IFT140: variants seen among roughly 807,000 people sequenced by gnomAD.
IFT140 encodes intraflagellar transport 140.
A neutral mutation model predicts 164.6 loss-of-function variants in IFT140; 133 were observed. The ratio of observed to expected loss-of-function variants is 0.81; its 90% CI spans 0.70 to 0.93. The LOEUF is 0.93. IFT140 is among the 40% of genes least tolerant of loss of function. IFT140 has a pLI of 0.00. For missense variants in IFT140, 2,045 were observed against 1,972.3 expected, an observed-to-expected ratio of 1.04 and a Z score of -0.70; for synonymous variants, 860 against 817.3, an observed-to-expected ratio of 1.05 and a Z score of -0.89.
chr16:1,520,542 G>T, intron 27 of IFT140, 60 bp downstream of exon 27: 1 of 1,490,434 alleles, frequency 6.7e-7, no homozygotes. Flanking sequence ...GATGCGTGCA[G>T]GGGGCCCGCA....
chr16:1,521,685 C>A (rs1201496406), intron 26 of IFT140, among the ~76,000 whole-genome samples: 3 of 151,766 alleles, frequency 2.0e-5, no homozygotes, highest in African/African-American at 7.3e-5. Flanking sequence ...AGCCACCACA[C>A]CCAGCCCTCA....
intron 13 of IFT140, among the ~76,000 whole-genome samples, chr16:1,575,751 C>T (rs1361313217): frequency 1.3e-5 from 2 of 150,834 alleles, no homozygotes; most frequent in Non-Finnish European, 3.0e-5. Context: ...GCAGGCCATT[C>T]ACCCTTTCCC....
intron 7 of IFT140, among the ~76,000 whole-genome samples, chr16:1,588,572 G>C (rs1270436721): frequency 9.4e-6 from 1 of 106,694 alleles, no homozygotes; most frequent in Non-Finnish European, 1.8e-5. Context: ...ACTGAGCACA[G>C]GGTGTGGGCA....
At chr16:1,513,078 ACTAT>A (rs1396742878) in intron 30 of IFT140, 1 of 152,202 alleles carries the variant, frequency 6.6e-6, no homozygotes, top group Non-Finnish European at 1.5e-5. Flanking sequence ...AGTCCCGGGA[ACTAT>A]CTAATAGGGC....
chr16:1,590,604 G>A lies in IFT140; in HGVS notation c.635-824C>T, dbSNP rs117493027. ...GAATCCCCCTCTTCCTGCCCTGCCT[G>A]AGCCTGCTCCGGTGCTGGCCAGCCA... is the stretch of plus-strand genomic sequence containing the variant. On this transcript the variant is annotated intron_variant, in intron 6 of 30. Transcript: ENST00000426508. 6.2e-3 allele frequency among the ~76,000 whole-genome samples: 943 copies of A among 152,236 alleles called. 4 individuals carry two copies. The highest frequency in any genetic ancestry group is 0.011 in the Non-Finnish European group (778 of 68,010).
intron 6 of IFT140, among the ~76,000 whole-genome samples, chr16:1,591,009 G>A (rs1039802263): frequency 1.3e-5 from 2 of 152,186 alleles, no homozygotes; most frequent in Admixed American, 6.5e-5. Flanking sequence ...TGCACAGTAC[G>A]TGGCAGGCTC....
intron 10 of IFT140, 134 bp downstream of exon 10, chr16:1,585,996 C>A: frequency 9.9e-7 from 1 of 1,005,944 alleles, no homozygotes; most frequent in Non-Finnish European, 1.5e-6. Context: ...TGGTCTCGAT[C>A]TCCTGACCTC....
chr16:1,520,734 C>T lies in IFT140; in HGVS notation c.3528G>A (p.Val1176=). Residue 1176 remains valine (V), a synonymous_variant, in exon 27 of 31, where the codon GTG becomes GTA. Transcript: ENST00000426508. ...ITEEMAEKMT[V]AKDSSDLPEE... Reference sequence around the variant, plus strand: ...CAGGCAGGTCCGAGGAGTCCTTGGCCACGGTCATCTTTTCCGCCATCTCCT... The same window carrying T: ...CAGGCAGGTCCGAGGAGTCCTTGGCTACGGTCATCTTTTCCGCCATCTCCT... 3 of 1,611,536 alleles carry T rather than the reference C, an allele frequency of 1.9e-6. No individual in the cohort carries two copies. The highest frequency in any genetic ancestry group is 4.5e-5 in the East Asian group (2 of 44,874).
intron 19 of IFT140, among the ~76,000 whole-genome samples, chr16:1,537,985 C>A (rs1207190310): frequency 2.0e-5 from 3 of 152,270 alleles, no homozygotes; most frequent in Non-Finnish European, 4.4e-5. Flanking sequence ...CACGTTCTCA[C>A]CGACACCTTT....
chr16:1,520,217 GC>G lies in IFT140; in HGVS notation c.3786del (p.Glu1262AspfsTer5), dbSNP rs1567323053. 6.2e-7 allele frequency: 1 copy of G among 1,614,220 alleles called. No homozygotes were observed. Among genetic ancestry groups the G allele is most frequent in the South Asian group, 1.1e-5 (1 of 91,088 alleles). ...CCGATGATGTTCTTCATGATCTCCGGCTCCTTCCGCCAGTCCAGGGACTGCA... is the reference window on the plus strand; with the variant it reads ...CCGATGATGTTCTTCATGATCTCCGGTCCTTCCGCCAGTCCAGGGACTGCA... ...NYLQSLDWRK[E>X]PEIMKNIIGF... On this transcript the variant is annotated frameshift_variant, in exon 28 of 31. Coordinates refer to ENST00000426508, the MANE Select transcript of IFT140 (RefSeq NM_014714.4). LOFTEE classifies it high-confidence loss of function.
chr16:1,587,562 CA>C (rs1489524721), intron 8 of IFT140, among the ~76,000 whole-genome samples: 1 of 152,228 alleles, frequency 6.6e-6, no homozygotes, highest in Non-Finnish European at 1.5e-5. Flanking sequence ...TGCAGCCCCA[CA>C]CAGAGCACGA....
chr16:1,564,117 C>T lies in IFT140; in HGVS notation c.1947G>A (p.Val649=). The T allele has an allele frequency of 1.9e-6, 3 of 1,592,636 alleles. No homozygotes were observed. The highest frequency in any genetic ancestry group is 1.7e-6 in the Non-Finnish European group (2 of 1,163,632). Residue 649 remains valine, a synonymous_variant, in exon 17 of 31, where the codon GTG becomes GTA. Transcript: ENST00000426508. The surrounding 1 kb of genome is among the most constrained non-coding windows in gnomAD (Gnocchi z 5.5). ...GCTCACTCTGGTCCCAGAAGTGGTT[C>T]ACGGGAACATAATTTTTCAGTCCCT... The part of the protein sequence containing the change: ...VDEGLKNYVP[V]NHFWDQSEPR...
intron 9 of IFT140, 83 bp from the exon 10 acceptor site, chr16:1,586,358 C>A (rs893969412): frequency 1.4e-6 from 2 of 1,402,354 alleles, no homozygotes. Context: ...TAACCCCCTT[C>A]TTCAAAGCAT....
At chr16:1,545,800 T>G (rs2032119710) in intron 19 of IFT140, among the ~76,000 whole-genome samples, 1 of 152,242 alleles carries the variant, frequency 6.6e-6, no homozygotes. Flanking sequence ...ATGGGGCCTG[T>G]GCTTTTGCTC....
intron 4 of IFT140, among the ~76,000 whole-genome samples, chr16:1,596,897 G>A (rs913002235): frequency 2.0e-5 from 3 of 152,074 alleles, no homozygotes; most frequent in Non-Finnish European, 4.4e-5. Flanking sequence ...CACCATCTGT[G>A]AATTCTGCGT....
In IFT140 at chr16:1,589,335, G is replaced by A. The variant is rs530621520; in HGVS notation, c.810+270C>T. On this transcript the variant is annotated intron_variant, in intron 7 of 30. Coordinates refer to ENST00000426508, the MANE Select transcript of IFT140 (RefSeq NM_014714.4). ...TTACTTGCACCCCAGGTCATGAGGG[G>A]TGCAGCTTGGGGGTGGGCCCAGGCT... 2.0e-5 allele frequency among the ~76,000 whole-genome samples: 3 copies of A among 152,272 alleles called. No individual in the cohort carries two copies. The East Asian group carries it at 5.8e-4, about 29-fold the overall frequency.
intron 19 of IFT140, among the ~76,000 whole-genome samples, chr16:1,530,133 C>CTTTTTTT (rs922819138): frequency 1.0e-4 from 9 of 88,586 alleles, no homozygotes; most frequent in African/African-American, 4.3e-4. Context: ...CGACGGGAAT[C>CTTTTTTT]TTTTTTTTTT....
intron 4 of IFT140, 30 bp downstream of exon 4, chr16:1,602,340 G>C: frequency 1.3e-6 from 2 of 1,596,690 alleles, no homozygotes; most frequent in Non-Finnish European, 1.7e-6. Context: ...GTCAAGGTCT[G>C]AAAACAGCGT....
At chr16:1,535,273 G>C (rs936767653) in intron 19 of IFT140, among the ~76,000 whole-genome samples, 3 of 152,124 alleles carry the variant, frequency 2.0e-5, no homozygotes, top group African/African-American at 4.8e-5. Context: ...GCAGAGGAGA[G>C]GAAGGGGCTC....
Sources: allele counts gnomAD v4.1 joint callset (sites outside exome capture counted in the v4.1 genomes callset), GRCh38; gene constraint gnomAD v4.1.1; non-coding constraint Gnocchi (gnomAD v3.1); transcripts MANE v1.5; gene names NCBI Gene and HGNC (gene_info 2026-07-23, HGNC 2026-07-21).